Variants in C2CD3 observed in about 807,000 individuals in gnomAD.
The protein encoded by C2CD3 is C2 domain-containing protein 3.
Under a neutral mutation model 234.0 loss-of-function variants are expected in C2CD3, and 148 were observed. That is an observed-to-expected ratio of 0.63 (90% CI 0.55 to 0.72). The LOEUF (loss-of-function observed/expected upper bound fraction) is 0.72, where lower values mean the gene tolerates loss of function less well. Among genes scored for constraint, C2CD3 ranks in the 30% least tolerant of loss-of-function variants. The probability of loss-of-function intolerance (pLI) is 0.00; values close to 1 mark genes in which losing one functional copy is unlikely to be tolerated. For synonymous variants in C2CD3, 1,000 were observed against 1,035.4 expected (o/e 0.97, Z 0.66); for missense variants, 2,577 against 2,811.5 (o/e 0.92, Z 1.89).
chr11:74,139,656 T>C lies in C2CD3; in HGVS notation c.656A>G (p.Lys219Arg). 1.2e-6 allele frequency: 2 copies of C among 1,614,010 alleles called. No individual in the cohort carries two copies. The highest frequency in any genetic ancestry group is 1.3e-5 in the African/African-American group (1 of 75,004). The change falls in exon 4 of 33, where the codon AAA (lysine) becomes AGA (arginine). Residue 219 changes from lysine to arginine, a missense_variant. Lys to Arg is a conservative substitution (Grantham distance 26). Transcript: ENST00000334126. The stretch of plus-strand genomic sequence containing the variant: ...GGCTGCTAACTCTTTTCCATCAATT[T>C]TGATGGTATGTATGTCGCGAGGCCT... ...PSRPRDIHTI[K>R]IDGKELAANS...
At chr11:74,076,414 T>C (rs1955044470) in intron 23 of C2CD3, among the ~76,000 whole-genome samples, 1 of 152,222 alleles carries the variant, frequency 6.6e-6, no homozygotes, top group Admixed American at 6.5e-5. Flanking sequence ...GACAGCAATG[T>C]TAAGCTGAAT....
At chr11:74,167,800 G>T (rs1856902615) in intron 2 of C2CD3, among the ~76,000 whole-genome samples, 1 of 152,244 alleles carries the variant, frequency 6.6e-6, no homozygotes, top group Non-Finnish European at 1.5e-5. Flanking sequence ...GTTCCCTACA[G>T]AGGGATGCTT....
chr11:74,087,542 C>G (rs746329321), intron 20 of C2CD3, among the ~76,000 whole-genome samples: 1 of 148,792 alleles, frequency 6.7e-6, no homozygotes, highest in Admixed American at 6.7e-5. Flanking sequence ...CTAGCCAGGG[C>G]GACAAGAGTG....
intron 17 of C2CD3, among the ~76,000 whole-genome samples, chr11:74,094,810 G>A (rs1364114715): frequency 6.6e-6 from 1 of 152,174 alleles, no homozygotes; most frequent in Non-Finnish European, 1.5e-5. Context: ...ATATGTATAT[G>A]TACATATTTC....
Position 74,168,386 on chromosome 11 carries a change from C to T in C2CD3, c.283G>A (p.Ala95Thr), listed in dbSNP as rs756745599. Residue 95 changes from alanine (A) to threonine (T), a missense_variant, in exon 2 of 33, where the codon GCT (alanine) becomes ACT (threonine). Physicochemically the swap from Ala to Thr is moderately conservative, Grantham distance 58. Transcript: ENST00000334126. ...AACTGTTTTGGACCACAACGAATAG[C>T]GTAACGTGTAGTTGTTCTCACAGCT... ...PKAVRTTTRY[A>T]IRCGPKQFTS... The T allele has an allele frequency of 9.9e-6, 16 of 1,613,806 alleles. No individual in the cohort carries two copies. The highest frequency in any genetic ancestry group is 6.7e-5 in the African/African-American group (5 of 74,932).
At chr11:74,050,181 G>A (rs1049662467) in intron 26 of C2CD3, among the ~76,000 whole-genome samples, 1 of 152,236 alleles carries the variant, frequency 6.6e-6, no homozygotes, top group Admixed American at 6.5e-5. Context: ...AGTATGTCTT[G>A]CAATTATGGA....
chr11:74,087,831 TTC>T (rs953592370), intron 20 of C2CD3, among the ~76,000 whole-genome samples: 1 of 152,164 alleles, frequency 6.6e-6, no homozygotes, highest in African/African-American at 2.4e-5. Context: ...ATTCCTTAGC[TTC>T]ACGGCATTTA....
intron 2 of C2CD3, chr11:74,164,258 C>A: frequency 1.0e-6 from 1 of 963,400 alleles, no homozygotes; most frequent in Non-Finnish European, 1.2e-6. Context: ...TGATCAAAGA[C>A]AGGTAAAAAT....
At chr11:74,103,750 G>C (rs886231516) in intron 13 of C2CD3, 125 bp from the exon 14 acceptor site, 2 of 739,980 alleles carry the variant, frequency 2.7e-6, no homozygotes, top group African/African-American at 3.6e-5. Context: ...CACTCTAATA[G>C]TAAGAATATT....
At chr11:74,075,677 C>G (rs558236417) in intron 23 of C2CD3, among the ~76,000 whole-genome samples, 1 of 152,126 alleles carries the variant, frequency 6.6e-6, no homozygotes, top group Non-Finnish European at 1.5e-5. Flanking sequence ...TAATATGAAA[C>G]CTTTCCTGTT....
At chr11:74,163,510 G>A (rs1282513608) in intron 2 of C2CD3, among the ~76,000 whole-genome samples, 1 of 152,192 alleles carries the variant, frequency 6.6e-6, no homozygotes, top group African/African-American at 2.4e-5. Flanking sequence ...CACAAGTGCG[G>A]TTCTCCTTAT....
chr11:74,103,113 T>C lies in C2CD3; in HGVS notation c.2580+18A>G, dbSNP rs753330031. On this transcript the variant is annotated intron_variant, in intron 14 of 32. Transcript: ENST00000334126. ...CACCCCTATATTCCTCTAATGGATA[T>C]GGAATGTACAAAGTTACCTGAGAAA... 12 of 1,596,726 alleles carry C rather than the reference T, an allele frequency of 7.5e-6. No individual in the cohort carries two copies. Among genetic ancestry groups the C allele is most frequent in the Admixed American group, 1.7e-5 (1 of 58,626 alleles).
intron 23 of C2CD3, among the ~76,000 whole-genome samples, chr11:74,077,576 C>A (rs1397072188): frequency 6.6e-6 from 1 of 150,814 alleles, no homozygotes; most frequent in Non-Finnish European, 1.5e-5. Context: ...GGGAGGTGAA[C>A]AATGAGAACA....
chr11:74,064,195 G>T (rs1308959149), intron 24 of C2CD3, among the ~76,000 whole-genome samples: 1 of 152,016 alleles, frequency 6.6e-6, no homozygotes, highest in East Asian at 1.9e-4. Flanking sequence ...ATGGTTTCCA[G>T]TTTCATCCAT....
rs186273823 is a variant in C2CD3 at position 74,064,509 on chromosome 11, T to C, written c.4952-6965A>G. The stretch of plus-strand genomic sequence containing the variant: ...TGGCCATACTGCCCAAGGTAATTTA[T>C]AGATTCAATGCCATCCACATCAAGC... On this transcript the variant is annotated intron_variant, in intron 24 of 32. Coordinates refer to ENST00000334126, the MANE Select transcript of C2CD3 (RefSeq NM_001286577.2). Among the ~76,000 whole-genome samples the C allele has an allele frequency of 3.4e-4, 52 of 152,324 alleles. No homozygotes were observed. In the East Asian group the frequency reaches 9.3e-3, roughly 27 times the overall value.
chr11:74,095,799 C>A (rs1252643839), intron 16 of C2CD3, among the ~76,000 whole-genome samples: 1 of 152,106 alleles, frequency 6.6e-6, no homozygotes, highest in Non-Finnish European at 1.5e-5. Flanking sequence ...AGAATAAATT[C>A]TACATTTAGA....
chr11:74,013,720 C>T (rs545495483), intron 32 of C2CD3, among the ~76,000 whole-genome samples, 195 bp from the exon 33 acceptor site: 4 of 152,284 alleles, frequency 2.6e-5, no homozygotes, highest in Admixed American at 6.5e-5. Flanking sequence ...CTCCCCATGT[C>T]GTGGATAAGG....
Position 74,098,048 on chromosome 11 carries a change from G to C in C2CD3, c.2940C>G (p.Ala980=), listed in dbSNP as rs377101067. ...CTGCAGTTGGCTGGTCCAGGAAATGGGCTGGCCTAGGGCTGAAGGGAGGGA... is the reference window on the plus strand; with the variant it reads ...CTGCAGTTGGCTGGTCCAGGAAATGCGCTGGCCTAGGGCTGAAGGGAGGGA... ...GTLPPFSPRP[A]HFLDQPTAAS... Residue 980 remains alanine (A), a synonymous_variant, in exon 16 of 33, where the codon GCC becomes GCG. Transcript: ENST00000334126. The C allele has an allele frequency of 1.2e-6, 2 of 1,613,978 alleles. No homozygotes were observed. Among genetic ancestry groups the C allele is most frequent in the Non-Finnish European group, 1.7e-6 (2 of 1,179,962 alleles).
At chr11:74,025,020 G>C (rs892000035) in intron 32 of C2CD3, among the ~76,000 whole-genome samples, 19 of 151,960 alleles carry the variant, frequency 1.3e-4, no homozygotes, top group Non-Finnish European at 2.5e-4. Flanking sequence ...GGGCAACAAA[G>C]AAAAAAGGCT....
Sources: allele counts gnomAD v4.1 joint callset (sites outside exome capture counted in the v4.1 genomes callset), GRCh38; gene constraint gnomAD v4.1.1; transcripts MANE v1.5; gene names NCBI Gene and HGNC (gene_info 2026-07-23, HGNC 2026-07-21).